CACNA1A: variants seen among roughly 807,000 people sequenced by gnomAD.
CACNA1A encodes the protein calcium voltage-gated channel subunit alpha1 A, also known as voltage-dependent P/Q-type calcium channel subunit alpha-1A.
A neutral mutation model predicts 262.4 loss-of-function variants in CACNA1A; 57 were observed. The observed-to-expected ratio is 0.22, with a 90% CI of 0.18 to 0.27. The LOEUF is 0.27. Ranked by LOEUF, CACNA1A falls within the 10% of genes least tolerant of loss-of-function variation. CACNA1A has a pLI of 1.00. For synonymous variants in CACNA1A, 1,431 were observed against 1,419.3 expected, an observed-to-expected ratio of 1.01 and a Z score of -0.18; for missense variants, 2,526 against 3,562.8, an observed-to-expected ratio of 0.71 and a Z score of 7.41.
In CACNA1A at chr19:13,286,924, C is replaced by T. The variant is rs778727852; in HGVS notation, c.3132G>A (p.Leu1044=). The T allele has an allele frequency of 3.7e-6, 6 of 1,611,548 alleles. No individual in the cohort carries two copies. The highest frequency in any genetic ancestry group is 1.7e-5 in the Admixed American group (1 of 59,918). ...GSGVPVSGPN[L]STTRPIQQDL... is the part of the protein sequence containing the mutation. ...CCTGCTGGATTGGCCGGGTGGTTGA[C>T]AGGTTGGGGCCCGACACAGGGACCC... is the stretch of plus-strand genomic sequence containing the variant. The change falls in exon 20 of 47, where the codon CTG becomes CTA. Residue 1044 remains leucine (L), a synonymous_variant. Transcript: ENST00000360228.
At chr19:13,291,887 C>A (rs1406299015) in intron 19 of CACNA1A, among the ~76,000 whole-genome samples, 1 of 152,094 alleles carries the variant, frequency 6.6e-6, no homozygotes, top group Admixed American at 6.6e-5. Context: ...TACCCCCATG[C>A]AGGATAAACT....
chr19:13,370,477 G>A (rs8102008), intron 4 of CACNA1A, among the ~76,000 whole-genome samples: 16,293 of 152,006 alleles, frequency 0.11, 2,191 homozygotes, highest in African/African-American at 0.32. Flanking sequence ...TGTCCAGGCT[G>A]GAGTGCAGTG....
chr19:13,308,610 G>A lies in CACNA1A; in HGVS notation c.1669-82C>T. 1 of 823,820 alleles carries A rather than the reference G, an allele frequency of 1.2e-6. No individual in the cohort carries two copies. Among genetic ancestry groups the A allele is most frequent in the Non-Finnish European group, 1.9e-6 (1 of 521,998 alleles). 51.0% of individuals were successfully genotyped at this position (823,820 alleles called of 1,614,324 possible). A position where few individuals can be genotyped will look rare whatever the true frequency, so the allele number is the denominator to read the frequency against. ...CAAGCATTTCCTAGGTACCAACCTT[G>A]CAAGAACTCAACCAAACTCCTCCCT... On this transcript the variant is annotated intron_variant, in intron 12 of 46. Transcript: ENST00000360228. The surrounding 1 kb of genome is among the most constrained non-coding windows in gnomAD (Gnocchi z 4.2).
chr19:13,438,698 G>C (rs970455695), intron 3 of CACNA1A, among the ~76,000 whole-genome samples: 5 of 152,222 alleles, frequency 3.3e-5, no homozygotes, highest in African/African-American at 1.2e-4. Flanking sequence ...CCACCCTTCA[G>C]AATCATGAGC....
intron 3 of CACNA1A, among the ~76,000 whole-genome samples, chr19:13,427,868 T>G (rs990300626): frequency 6.6e-6 from 1 of 152,172 alleles, no homozygotes; most frequent in Admixed American, 6.5e-5. Context: ...ACTCCGTAGC[T>G]GTGTGACCTT....
intron 9 of CACNA1A, among the ~76,000 whole-genome samples, chr19:13,332,063 G>C (rs1427309316): frequency 6.6e-6 from 1 of 152,200 alleles, no homozygotes; most frequent in Non-Finnish European, 1.5e-5. Flanking sequence ...AGCTATGCTG[G>C]GGAGGTTGGG....
chr19:13,317,021 A>C lies in CACNA1A; in HGVS notation c.1555+91T>G, dbSNP rs559085162. 3.3e-5 allele frequency: 26 copies of C among 789,970 alleles called. No individual in the cohort carries two copies. The South Asian group carries it at 4.4e-4, about 13-fold the overall frequency. The allele number at this position is 789,970 out of a possible 1,614,324, so 48.9% of individuals were successfully genotyped here. On this transcript the variant is annotated intron_variant, in intron 11 of 46. Coordinates refer to ENST00000360228, the MANE Select transcript of CACNA1A (RefSeq NM_001127222.2). ...GGGCAGATTCAATGAGGACCAAAGAAGATACACATACTACCAGAGAAAGAG... is the reference window on the plus strand; with the variant it reads ...GGGCAGATTCAATGAGGACCAAAGACGATACACATACTACCAGAGAAAGAG...
chr19:13,489,330 G>GC (rs1220991902), intron 1 of CACNA1A, among the ~76,000 whole-genome samples: 4 of 151,910 alleles, frequency 2.6e-5, no homozygotes, highest in Non-Finnish European at 5.9e-5. Context: ...TTCTAAAATT[G>GC]CAATAGCCAT....
At chr19:13,402,867 CACACACATATATATATATATATATAT>C (rs1296993516) in intron 3 of CACNA1A, among the ~76,000 whole-genome samples, 1 of 72,516 alleles carries the variant, frequency 1.4e-5, no homozygotes, top group Non-Finnish European at 2.5e-5. Flanking sequence ...TACACACACA[CACACACATATATATATATATATATAT>C]ATATATATAT....
intron 10 of CACNA1A, among the ~76,000 whole-genome samples, chr19:13,328,070 T>C (rs2058397051): frequency 6.6e-6 from 1 of 151,960 alleles, no homozygotes; most frequent in South Asian, 2.1e-4. Flanking sequence ...GGCTAAGTTT[T>C]TCAACATTTT....
chr19:13,456,091 A>G (rs1281314481), intron 1 of CACNA1A, among the ~76,000 whole-genome samples: 1 of 151,780 alleles, frequency 6.6e-6, no homozygotes, highest in East Asian at 1.9e-4. Flanking sequence ...TGGAGGTTGC[A>G]GTGAGCCGAG....
chr19:13,328,101 T>C (rs2058398084), intron 10 of CACNA1A, among the ~76,000 whole-genome samples: 1 of 151,556 alleles, frequency 6.6e-6, no homozygotes, highest in South Asian at 2.1e-4. Context: ...GATGGAGCCT[T>C]GTTATGTTGC....
At position 13,212,162 on chromosome 19, in the gene CACNA1A, G is replaced by C. The variant is rs1375435031; in HGVS notation, c.6244C>G (p.Leu2082Val). Residue 2082 changes from leucine (L) to valine (V), a missense_variant, in exon 43 of 47, where the codon CTC becomes GTC. Leu to Val is a conservative substitution (Grantham distance 32). Transcript: ENST00000360228. This position sits in a 1 kb window ranked among gnomAD's most constrained non-coding sequence, Gnocchi z 5.6. ...GCCCGGCCCTGGCCTTCCATGGGGAGGTAGTGCTCGCTGTCGGAGTAGCCA... is the reference window on the plus strand; with the variant it reads ...GCCCGGCCCTGGCCTTCCATGGGGACGTAGTGCTCGCTGTCGGAGTAGCCA... The part of the protein sequence containing the change: ...RDGYSDSEHY[L>V]PMEGQGRAAS... 1 of 1,613,804 alleles carries C rather than the reference G, an allele frequency of 6.2e-7. No individual in the cohort carries two copies. The highest frequency in any genetic ancestry group is 8.5e-7 in the Non-Finnish European group (1 of 1,179,818).
At chr19:13,294,610 C>T (rs928559215) in intron 19 of CACNA1A, among the ~76,000 whole-genome samples, 9 of 150,590 alleles carry the variant, frequency 6.0e-5, no homozygotes, top group Admixed American at 2.0e-4. Context: ...GCCTCAGCCT[C>T]CTGAGTAGCT....
intron 6 of CACNA1A, among the ~76,000 whole-genome samples, chr19:13,347,441 G>A (rs1382088359): frequency 1.3e-5 from 2 of 151,868 alleles, no homozygotes; most frequent in Non-Finnish European, 2.9e-5. Flanking sequence ...ATTCTATCCC[G>A]GACCTCTCAC....
intron 3 of CACNA1A, among the ~76,000 whole-genome samples, chr19:13,417,282 C>T (rs1481125960): frequency 6.6e-6 from 1 of 152,188 alleles, no homozygotes; most frequent in Non-Finnish European, 1.5e-5. Context: ...CTGCTGTGCA[C>T]GCTCGGTATG....
chr19:13,330,125 G>A (rs1447540351), intron 10 of CACNA1A, 119 bp downstream of exon 10: 2 of 648,800 alleles, frequency 3.1e-6, no homozygotes, highest in Non-Finnish European at 5.6e-6. Context: ...AGGTGGGAAA[G>A]GGTGGAGCTG....
intron 3 of CACNA1A, among the ~76,000 whole-genome samples, chr19:13,428,971 CAGAG>C (rs946850301): frequency 6.6e-6 from 1 of 152,068 alleles, no homozygotes; most frequent in Admixed American, 6.6e-5. Flanking sequence ...ACGCCTCAAA[CAGAG>C]AGAGCCTCTG....
intron 3 of CACNA1A, among the ~76,000 whole-genome samples, chr19:13,379,222 C>A (rs1020574797): frequency 6.6e-6 from 1 of 152,106 alleles, no homozygotes; most frequent in Non-Finnish European, 1.5e-5. Context: ...CTCAAGCAAT[C>A]CTCCTGCCTT....
Sources: allele counts gnomAD v4.1 joint callset (sites outside exome capture counted in the v4.1 genomes callset), GRCh38; gene constraint gnomAD v4.1.1; non-coding constraint Gnocchi (gnomAD v3.1); transcripts MANE v1.5; gene names NCBI Gene and HGNC (gene_info 2026-07-23, HGNC 2026-07-21).